Variants in PCDHGA4 observed in about 807,000 individuals in gnomAD.
PCDHGA4 encodes protocadherin gamma subfamily A, 4, also known as protocadherin gamma-A4.
PCDHGA4 carries 38 observed loss-of-function variants against 54.6 expected under a neutral mutation model. The observed-to-expected ratio is 0.70, with a 90% CI of 0.54 to 0.91. The LOEUF (loss-of-function observed/expected upper bound fraction) is 0.91, where lower values mean the gene tolerates loss of function less well. PCDHGA4 is among the 40% of genes least tolerant of loss of function. The probability of loss-of-function intolerance (pLI) is 0.00; values close to 1 mark genes in which losing one functional copy is unlikely to be tolerated. For missense variants in PCDHGA4, 1,298 were observed against 1,220.9 expected (o/e 1.06, Z -0.94); for synonymous variants, 511 against 512.9 (o/e 1.00, Z 0.05).
chr5:141,404,928 C>A lies in PCDHGA4; in HGVS notation c.2514+47307C>A, dbSNP rs145718404. The stretch of plus-strand genomic sequence containing the variant: ...CAGCCCCCTCTCTCGGCCACTGTCA[C>A]GCTCACAGTAGCCATAGCTGACAGC... On this transcript the variant is annotated intron_variant, in intron 1 of 3. Coordinates refer to ENST00000571252, the MANE Select transcript of PCDHGA4 (RefSeq NM_018917.4). The A allele has an allele frequency of 1.9e-6, 3 of 1,613,866 alleles. No individual in the cohort carries two copies. In the South Asian group the frequency reaches 3.3e-5, roughly 18 times the overall value.
At chr5:141,360,676 G>C in intron 1 of PCDHGA4, 2 of 1,613,952 alleles carry the variant, frequency 1.2e-6, no homozygotes, top group Non-Finnish European at 1.7e-6. Flanking sequence ...CTTTGATCTC[G>C]CTGAGAAACA....
Position 141,489,213 on chromosome 5 carries a change from T to G in PCDHGA4, c.2515-5594T>G, listed in dbSNP as rs372898969. 11 of 1,473,392 alleles carry G rather than the reference T, an allele frequency of 7.5e-6. No homozygotes were observed. The highest frequency in any genetic ancestry group is 6.4e-6 in the Non-Finnish European group (7 of 1,091,332). 91.3% of individuals were successfully genotyped at this position (1,473,392 alleles called of 1,614,324 possible). On this transcript the variant is annotated intron_variant, in intron 1 of 3. Coordinates refer to ENST00000571252, the MANE Select transcript of PCDHGA4 (RefSeq NM_018917.4). This position sits in a 1 kb window ranked among gnomAD's most constrained non-coding sequence, Gnocchi z 4.5. Reference sequence around the variant, plus strand: ...ACCTTGGAGACAGGACAGCACAGACTTACTCTCCACAAAGGGACTTCTGGG... The same window carrying G: ...ACCTTGGAGACAGGACAGCACAGACGTACTCTCCACAAAGGGACTTCTGGG...
intron 1 of PCDHGA4, among the ~76,000 whole-genome samples, chr5:141,458,726 C>T (rs1301761231): frequency 1.3e-5 from 2 of 151,992 alleles, no homozygotes; most frequent in African/African-American, 4.8e-5. Flanking sequence ...TTCGCCACCA[C>T]ATCCAGCTAT....
chr5:141,385,198 C>A, intron 1 of PCDHGA4: 1 of 1,614,224 alleles, frequency 6.2e-7, no homozygotes, highest in Non-Finnish European at 8.5e-7. Flanking sequence ...TCGGAAGAGT[C>A]ACCTGATCTT....
intron 1 of PCDHGA4, among the ~76,000 whole-genome samples, chr5:141,373,236 T>A (rs1331345461): frequency 2.6e-5 from 4 of 152,248 alleles, no homozygotes; most frequent in African/African-American, 9.6e-5. Context: ...ATAATATTTT[T>A]ACTTCCCTTT....
At chr5:141,465,779 G>A (rs1199779963) in intron 1 of PCDHGA4, among the ~76,000 whole-genome samples, 2 of 145,170 alleles carry the variant, frequency 1.4e-5, no homozygotes, top group African/African-American at 5.0e-5. Flanking sequence ...TCTTGTTACA[G>A]TTTTTTTTTT....
Position 141,388,177 on chromosome 5 carries a change from A to T in PCDHGA4, c.2514+30556A>T, listed in dbSNP as rs778496978. 25 of 1,515,690 alleles carry T rather than the reference A, an allele frequency of 1.6e-5. No individual in the cohort carries two copies. The Admixed American group carries it at 4.5e-4, about 27-fold the overall frequency. 93.9% of individuals were successfully genotyped at this position (1,515,690 alleles called of 1,614,324 possible). On this transcript the variant is annotated intron_variant, in intron 1 of 3. Coordinates refer to ENST00000571252, the MANE Select transcript of PCDHGA4 (RefSeq NM_018917.4). The stretch of plus-strand genomic sequence containing the variant: ...CTAGACAGGGAGGAGATATGCGGGA[A>T]GAAGCCAGCTTGTGCTCTGGAATTT...
intron 1 of PCDHGA4, among the ~76,000 whole-genome samples, chr5:141,358,207 T>TA (rs1313276659): frequency 1.3e-5 from 2 of 152,078 alleles, no homozygotes; most frequent in Non-Finnish European, 2.9e-5. Context: ...TAAAATAAAA[T>TA]AAAGTAAAAT....
chr5:141,372,534 C>A (rs752225423), intron 1 of PCDHGA4: 49 of 1,613,884 alleles, frequency 3.0e-5, no homozygotes, highest in Non-Finnish European at 4.0e-5. Context: ...AATCTCCCTG[C>A]GCCTGCGATG....
chr5:141,465,483 A>T (rs1279787337), intron 1 of PCDHGA4, among the ~76,000 whole-genome samples: 1 of 152,236 alleles, frequency 6.6e-6, no homozygotes, highest in Non-Finnish European at 1.5e-5. Flanking sequence ...TCATGAGAGG[A>T]ATGAGCGGGA....
intron 1 of PCDHGA4, chr5:141,371,951 C>T: frequency 6.2e-7 from 1 of 1,613,306 alleles, no homozygotes; most frequent in Non-Finnish European, 8.5e-7. Context: ...CGCAGCGAGC[C>T]TTCGACCACG....
intron 1 of PCDHGA4, among the ~76,000 whole-genome samples, chr5:141,454,194 G>A (rs949915652): frequency 6.6e-5 from 10 of 152,304 alleles, no homozygotes; most frequent in Non-Finnish European, 4.4e-5. Context: ...CTTAGTGAAG[G>A]TGAATTTATT....
chr5:141,483,243 ATATATCATGAGGTTTTTTTGTT>A (rs555469799), intron 1 of PCDHGA4, among the ~76,000 whole-genome samples: 11 of 151,654 alleles, frequency 7.3e-5, no homozygotes, highest in African/African-American at 2.2e-4. Context: ...ACTGATATGC[ATATATCATGAGGTTTTTTTGTT>A]TTAGAAATAT....
At chr5:141,404,328 T>G (rs1300173055) in intron 1 of PCDHGA4, 3 of 1,613,902 alleles carry the variant, frequency 1.9e-6, no homozygotes, top group Non-Finnish European at 2.5e-6. Flanking sequence ...TCCTACTCAG[T>G]CTACCTCCCG....
At chr5:141,443,615 C>T (rs1430581477) in intron 1 of PCDHGA4, among the ~76,000 whole-genome samples, 3 of 152,198 alleles carry the variant, frequency 2.0e-5, no homozygotes, top group Non-Finnish European at 4.4e-5. Flanking sequence ...TTCTTATAAT[C>T]AGGTGATTGT....
chr5:141,360,455 A>G (rs369787624), intron 1 of PCDHGA4: 1 of 1,613,980 alleles, frequency 6.2e-7, no homozygotes, highest in Non-Finnish European at 8.5e-7. Context: ...CTGGATTTCG[A>G]TACTGTCGCT....
At chr5:141,499,021 GAAGGAAGA>G (rs1193940810) in intron 2 of PCDHGA4, among the ~76,000 whole-genome samples, 2 of 140,162 alleles carry the variant, frequency 1.4e-5, no homozygotes, top group East Asian at 2.1e-4. Flanking sequence ...AGGAAGGAAG[GAAGGAAGA>G]AAAGAAAGAA....
intron 1 of PCDHGA4, chr5:141,366,048 C>A (rs777611384): frequency 1.2e-6 from 2 of 1,614,144 alleles, no homozygotes; most frequent in Non-Finnish European, 1.7e-6. Flanking sequence ...GACGGTTCCA[C>A]GGGCGTGGAG....
rs62379205 is a variant in PCDHGA4, at chr5:141,491,971, T to G, written c.2515-2836T>G. On this transcript the variant is annotated intron_variant, in intron 1 of 3. Coordinates refer to ENST00000571252, the MANE Select transcript of PCDHGA4 (RefSeq NM_018917.4). This position sits in a 1 kb window ranked among gnomAD's most constrained non-coding sequence, Gnocchi z 6.9. ...CCTACACTCAAAAAAGGCCGGGGCC[T>G]CCTTCGAGCTTCCGGTGAATTTCGG... The G allele has an allele frequency of 3.6e-6, 3 of 831,948 alleles. No homozygotes were observed. Among genetic ancestry groups the G allele is most frequent in the Admixed American group, 3.7e-5 (1 of 26,692 alleles). The allele number at this position is 831,948 out of a possible 1,614,324, so 51.5% of individuals were successfully genotyped here.
Sources: gnomAD v4.1 joint callset for allele counts (sites outside exome capture counted in the v4.1 genomes callset) on GRCh38, gnomAD v4.1.1 for gene constraint, Gnocchi (gnomAD v3.1) non-coding constraint, MANE v1.5 for transcripts, NCBI Gene and HGNC (gene_info 2026-07-23, HGNC 2026-07-21) for gene names.